The following ADAMTS3 variants were observed in gnomAD, a reference collection of about 807,000 sequenced individuals.
ADAMTS3 encodes the protein ADAM metallopeptidase with thrombospondin type 1 motif 3.
In ADAMTS3, 73 loss-of-function variants were observed where a neutral mutation model predicts 129.0. The observed-to-expected ratio is 0.57, with a 90% CI of 0.47 to 0.69. The LOEUF (loss-of-function observed/expected upper bound fraction) is 0.69, where lower values mean the gene tolerates loss of function less well. ADAMTS3 is among the 30% of genes least tolerant of loss of function. The pLI, the probability that ADAMTS3 is intolerant of heterozygous loss-of-function variation, is 0.00. For missense variants in ADAMTS3, 1,457 were observed against 1,514.5 expected (o/e 0.96, Z 0.63); for synonymous variants, 477 against 510.8 (o/e 0.93, Z 0.89).
intron 2 of ADAMTS3, among the ~76,000 whole-genome samples, chr4:72,563,225 A>T (rs1428855594): frequency 2.0e-5 from 3 of 152,338 alleles, no homozygotes; most frequent in African/African-American, 7.2e-5. Flanking sequence ...TAAAATTTTC[A>T]CCTAAGAATC....
At chr4:72,540,126 T>C (rs557808602) in intron 3 of ADAMTS3, among the ~76,000 whole-genome samples, 9 of 152,268 alleles carry the variant, frequency 5.9e-5, no homozygotes, top group South Asian at 4.1e-4. Context: ...ACTTGTTGAA[T>C]GGTTTTGACC....
intron 3 of ADAMTS3, among the ~76,000 whole-genome samples, chr4:72,496,533 GT>G: frequency 6.6e-6 from 1 of 152,130 alleles, no homozygotes; most frequent in East Asian, 1.9e-4. Context: ...TATGGCATAG[GT>G]ATATAAAAGT....
intron 3 of ADAMTS3, among the ~76,000 whole-genome samples, chr4:72,497,086 T>C (rs1370625615): frequency 3.9e-5 from 6 of 152,126 alleles, no homozygotes; most frequent in African/African-American, 1.4e-4. Flanking sequence ...TAAAGGGAAG[T>C]TATCAGATGT....
At chr4:72,417,967 T>C (rs1230377389) in intron 3 of ADAMTS3, among the ~76,000 whole-genome samples, 2 of 142,340 alleles carry the variant, frequency 1.4e-5, no homozygotes, top group African/African-American at 5.1e-5. Context: ...TATAAAGCAC[T>C]GTACTAAATA....
At chr4:72,323,317 G>GTACATATTA (rs1719613620) in intron 5 of ADAMTS3, 1 of 510,842 alleles carries the variant, frequency 2.0e-6, no homozygotes, top group African/African-American at 1.9e-5. Context: ...TAATATGAAC[G>GTACATATTA]TACAGGACAT....
chr4:72,291,304 G>A (rs890722198), intron 19 of ADAMTS3, among the ~76,000 whole-genome samples: 1 of 151,976 alleles, frequency 6.6e-6, no homozygotes, highest in South Asian at 2.1e-4. Context: ...ACAATGTGCA[G>A]GTTAGTTACA....
intron 4 of ADAMTS3, among the ~76,000 whole-genome samples, chr4:72,383,693 G>A (rs1721360798): frequency 6.6e-6 from 1 of 151,976 alleles, no homozygotes; most frequent in Non-Finnish European, 1.5e-5. Flanking sequence ...AAACAAACAA[G>A]TAAAACAAAA....
chr4:72,471,762 T>C (rs1033157426), intron 3 of ADAMTS3, among the ~76,000 whole-genome samples: 1 of 152,102 alleles, frequency 6.6e-6, no homozygotes, highest in African/African-American at 2.4e-5. Context: ...ATATGCCAAG[T>C]TTATTATAAC....
chr4:72,427,532 G>A (rs1034661622), intron 3 of ADAMTS3, among the ~76,000 whole-genome samples: 2 of 151,966 alleles, frequency 1.3e-5, no homozygotes, highest in Non-Finnish European at 2.9e-5. Context: ...ATTTATCAGG[G>A]CTCTCTGCTG....
intron 4 of ADAMTS3, among the ~76,000 whole-genome samples, chr4:72,383,819 A>G (rs906787700): frequency 6.6e-6 from 1 of 152,216 alleles, no homozygotes; most frequent in Non-Finnish European, 1.5e-5. Flanking sequence ...TTTAAATGTG[A>G]TCCAGAATCA....
intron 3 of ADAMTS3, among the ~76,000 whole-genome samples, chr4:72,468,041 T>C (rs1456184286): frequency 6.6e-6 from 1 of 152,064 alleles, no homozygotes. Flanking sequence ...TTCTCAAAAT[T>C]AGAATCATAT....
intron 3 of ADAMTS3, among the ~76,000 whole-genome samples, chr4:72,490,065 G>A (rs1196769953): frequency 6.6e-6 from 1 of 151,842 alleles, no homozygotes; most frequent in Non-Finnish European, 1.5e-5. Context: ...CAACAGGTGT[G>A]ATGCGATATC....
intron 3 of ADAMTS3, among the ~76,000 whole-genome samples, chr4:72,514,908 A>G (rs1720418649): frequency 6.6e-6 from 1 of 152,046 alleles, no homozygotes. Context: ...ATATGTATAC[A>G]TGTGCCATGC....
intron 5 of ADAMTS3, among the ~76,000 whole-genome samples, chr4:72,323,350 T>C (rs535954446): frequency 6.6e-6 from 1 of 152,348 alleles, no homozygotes; most frequent in Non-Finnish European, 1.5e-5. Flanking sequence ...TTTGTTATAC[T>C]AGTGCAGTGT....
chr4:72,307,893 T>C (rs139148614), intron 15 of ADAMTS3, among the ~76,000 whole-genome samples: 99 of 152,120 alleles, frequency 6.5e-4, no homozygotes, highest in Middle Eastern at 3.4e-3. Context: ...TGAATTGGTA[T>C]GACAGATGAA....
intron 4 of ADAMTS3, among the ~76,000 whole-genome samples, chr4:72,375,860 A>T (rs748965917): frequency 2.6e-5 from 4 of 152,202 alleles, no homozygotes; most frequent in African/African-American, 9.6e-5. Flanking sequence ...TCTCTTATAT[A>T]TTTAAAAAAG....
chr4:72,462,012 G>A (rs1415235798), intron 3 of ADAMTS3, among the ~76,000 whole-genome samples: 1 of 151,820 alleles, frequency 6.6e-6, no homozygotes, highest in East Asian at 1.9e-4. Flanking sequence ...ACTCTTCTGA[G>A]CACTATGGAT....
At chr4:72,302,708 C>T (rs1718982186) in intron 17 of ADAMTS3, among the ~76,000 whole-genome samples, 1 of 151,992 alleles carries the variant, frequency 6.6e-6, no homozygotes, top group Non-Finnish European at 1.5e-5. Flanking sequence ...GAGTATATCA[C>T]AGTCAAACTG....
At chr4:72,316,813 C>T (rs1178099590) in intron 10 of ADAMTS3, among the ~76,000 whole-genome samples, 2 of 152,026 alleles carry the variant, frequency 1.3e-5, no homozygotes, top group South Asian at 2.1e-4. Flanking sequence ...TATCATAATA[C>T]ATTCATATAG....
Sources: gnomAD v4.1 joint callset for allele counts (sites outside exome capture counted in the v4.1 genomes callset) on GRCh38, gnomAD v4.1.1 for gene constraint, MANE v1.5 for transcripts, NCBI Gene and HGNC (gene_info 2026-07-23, HGNC 2026-07-21) for gene names.